Variants in TET3 observed in about 807,000 individuals in gnomAD.
TET3 encodes methylcytosine dioxygenase TET3.
A neutral mutation model predicts 141.4 loss-of-function variants in TET3; 19 were observed. The ratio of observed to expected loss-of-function variants is 0.13; its 90% confidence interval spans 0.09 to 0.20. The LOEUF is 0.20. TET3 is among the 10% of genes least tolerant of loss of function. TET3 has a pLI of 1.00. For synonymous variants in TET3, 1,043 were observed against 980.9 expected (o/e 1.06, Z -1.18); for missense variants, 1,874 against 2,356.9 (o/e 0.80, Z 4.24).
upstream of TET3, among the ~76,000 whole-genome samples, chr2:73,984,795 C>G (rs1294752701): frequency 6.7e-6 from 1 of 148,880 alleles, no homozygotes; most frequent in Non-Finnish European, 1.5e-5. The surrounding 1 kb of genome is among the most constrained non-coding windows in gnomAD (Gnocchi z 5.6). Context: ...CCACCCCCCT[C>G]TCGCCCGGCC....
At chr2:74,077,646 G>C (rs370547433) in intron 5 of TET3, among the ~76,000 whole-genome samples, 1 of 152,114 alleles carries the variant, frequency 6.6e-6, no homozygotes, top group South Asian at 2.1e-4. Context: ...GTTTTTTTAA[G>C]TCTAGCTGAT....
the TET3 span, among the ~76,000 whole-genome samples, chr2:74,114,158 C>T: frequency 2.0e-4 from 30 of 152,262 alleles, no homozygotes; most frequent in African/African-American, 7.0e-4. Flanking sequence ...CACATACTTA[C>T]AGACAACTGA....
chr2:74,009,412 G>A (rs1355162925), intron 3 of TET3, among the ~76,000 whole-genome samples: 3 of 152,234 alleles, frequency 2.0e-5, no homozygotes, highest in African/African-American at 4.8e-5. Flanking sequence ...CTGATGGCTT[G>A]AATAGGCTCA....
intron 8 of TET3, among the ~76,000 whole-genome samples, chr2:74,091,270 G>C (rs1046548542): frequency 6.6e-6 from 1 of 152,180 alleles, no homozygotes; most frequent in Non-Finnish European, 1.5e-5. Context: ...AGAACTACTA[G>C]GAATGGAAAG....
chr2:74,048,111 A>G lies in TET3; in HGVS notation c.2194A>G (p.Ile732Val). The change falls in exon 4 of 12, where the codon ATT (isoleucine) becomes GTT (valine). Residue 732 changes from isoleucine to valine, a missense_variant. By Grantham distance (29) the Ile-to-Val change is conservative. Transcript: ENST00000409262. Reference protein sequence around the residue: ...FGLPGPPSVPIQDPENQQTCL... With the variant: ...FGLPGPPSVPVQDPENQQTCL... ...GCTTCCCGGCCCCCCTTCTGTGCCCATTCAGGACCCCGAGAACCAGCAAAC... is the reference window on the plus strand; with the variant it reads ...GCTTCCCGGCCCCCCTTCTGTGCCCGTTCAGGACCCCGAGAACCAGCAAAC... The G allele has an allele frequency of 6.2e-7, 1 of 1,613,466 alleles. No individual in the cohort carries two copies.
chr2:74,099,259 C>T lies in TET3; in HGVS notation c.3268-17C>T. On this transcript the variant is annotated splice_polypyrimidine_tract_variant and intron_variant, in intron 10 of 11. Transcript: ENST00000409262. ...TCCCCCAACCCCATGTCCTCTCTCCCCCACTGCTTGGGGCAGGTCTGCACC... is the reference window on the plus strand; with the variant it reads ...TCCCCCAACCCCATGTCCTCTCTCCTCCACTGCTTGGGGCAGGTCTGCACC... 1 of 1,559,626 alleles carries T rather than the reference C, an allele frequency of 6.4e-7. No individual in the cohort carries two copies. Among genetic ancestry groups the T allele is most frequent in the Non-Finnish European group, 8.7e-7 (1 of 1,149,474 alleles).
At chr2:74,134,101 G>A in the TET3 span, among the ~76,000 whole-genome samples, 1 of 152,158 alleles carries the variant, frequency 6.6e-6, no homozygotes, top group Non-Finnish European at 1.5e-5. Context: ...AGACAAATAG[G>A]TTCCACGCAG....
chr2:74,109,159 A>G (rs828865), downstream of TET3, among the ~76,000 whole-genome samples: 38,748 of 152,160 alleles, frequency 0.25, 5,848 homozygotes, highest in East Asian at 0.52. Flanking sequence ...CCATCTGCAG[A>G]GCCTGAAGGG....
At chr2:74,130,746 G>T in the TET3 span, 1 of 152,216 alleles carries the variant, frequency 6.6e-6, no homozygotes, top group Admixed American at 6.5e-5. Context: ...CCGCAGACTC[G>T]TCGGGCTGCT....
At chr2:74,072,388 T>G (rs1340133036) in intron 4 of TET3, among the ~76,000 whole-genome samples, 1 of 152,048 alleles carries the variant, frequency 6.6e-6, no homozygotes, top group Non-Finnish European at 1.5e-5. Context: ...GGTGCATGCC[T>G]ATAATCCCAG....
At position 74,098,380 on chromosome 2, in the gene TET3, C is replaced by G. The variant is rs1172998549; in HGVS notation, c.3268-896C>G. On this transcript the variant is annotated intron_variant, in intron 10 of 11. Coordinates refer to ENST00000409262, the MANE Select transcript of TET3 (RefSeq NM_001287491.2). Reference sequence around the variant, plus strand: ...TTTAATGCACAGGAAAATATTTATACTATGTTAAGAAAAAAATGAAGCTAT... The same window carrying G: ...TTTAATGCACAGGAAAATATTTATAGTATGTTAAGAAAAAAATGAAGCTAT... Among the ~76,000 whole-genome samples the G allele has an allele frequency of 2.6e-5, 4 of 152,014 alleles. No homozygotes were observed. In the East Asian group the frequency reaches 7.7e-4, roughly 29 times the overall value.
intron 3 of TET3, among the ~76,000 whole-genome samples, chr2:74,045,616 T>G (rs1156262759): frequency 6.6e-6 from 1 of 152,224 alleles, no homozygotes; most frequent in Admixed American, 6.5e-5. Flanking sequence ...TGACCTGGCA[T>G]GGGGCTAAAC....
chr2:74,069,705 G>A (rs1689101811), intron 4 of TET3, among the ~76,000 whole-genome samples: 1 of 151,850 alleles, frequency 6.6e-6, no homozygotes. Flanking sequence ...TCCTGCCTCA[G>A]CTTTCCAAGT....
In TET3 at chr2:74,087,992, C is replaced by G; in HGVS notation, c.2842C>G (p.Arg948Gly). The G allele has an allele frequency of 6.4e-7, 1 of 1,562,368 alleles. No individual in the cohort carries two copies. Among genetic ancestry groups the G allele is most frequent in the Non-Finnish European group, 8.7e-7 (1 of 1,153,408 alleles). ...CTACCAGGAGCTCACCGACACCCTC[C>G]GGAAGTATGGGAACCCCACCAGCCG... ...TLYQELTDTL[R>G]KYGNPTSRRC... Residue 948 changes from arginine to glycine, a missense_variant, in exon 7 of 12, where the codon CGG (arginine) becomes GGG (glycine). Transcript: ENST00000409262. This position sits in a 1 kb window ranked among gnomAD's most constrained non-coding sequence, Gnocchi z 4.3.
intron 4 of TET3, among the ~76,000 whole-genome samples, chr2:74,053,200 A>T (rs2103750015): frequency 6.6e-6 from 1 of 152,340 alleles, no homozygotes; most frequent in East Asian, 1.9e-4. Context: ...AATTATTGCA[A>T]GTGACTTGTG....
chr2:73,991,570 A>G (rs1684324948), intron 2 of TET3, among the ~76,000 whole-genome samples: 1 of 152,120 alleles, frequency 6.6e-6, no homozygotes, highest in Non-Finnish European at 1.5e-5. Context: ...TCAACCATGT[A>G]GATCAGGGGT....
intron 2 of TET3, among the ~76,000 whole-genome samples, chr2:73,997,328 T>G (rs1000157381): frequency 6.6e-5 from 10 of 152,214 alleles, no homozygotes; most frequent in Non-Finnish European, 5.9e-5. Flanking sequence ...CTTTCCTGTC[T>G]TATTTTTTAT....
intron 4 of TET3, among the ~76,000 whole-genome samples, chr2:74,053,497 G>T (rs1379607875): frequency 6.6e-6 from 1 of 152,190 alleles, no homozygotes; most frequent in Non-Finnish European, 1.5e-5. Flanking sequence ...GATGTCTCTG[G>T]GGAGCAGCCA....
Position 74,047,494 on chromosome 2 carries a change from C to G in TET3, c.1577C>G (p.Thr526Ser), listed in dbSNP as rs1687699341. The change falls in exon 4 of 12, where the codon ACC becomes AGC. Residue 526 changes from threonine (T) to serine (S), a missense_variant. By Grantham distance (58) the Thr-to-Ser change is moderately conservative (BLOSUM62 1). Coordinates refer to ENST00000409262, the MANE Select transcript of TET3 (RefSeq NM_001287491.2). The stretch of plus-strand genomic sequence containing the variant: ...CCCGACACCCACCAGAAGGCCCAGA[C>G]CGCCCTGCAGCAGCACCTCCACCAC... Reference protein sequence around the residue: ...SEPDTHQKAQTALQQHLHHKR... With the variant: ...SEPDTHQKAQSALQQHLHHKR... 1 of 1,612,898 alleles carries G rather than the reference C, an allele frequency of 6.2e-7. No individual in the cohort carries two copies. Among genetic ancestry groups the G allele is most frequent in the South Asian group, 1.1e-5 (1 of 91,074 alleles).
Sources: allele counts gnomAD v4.1 joint callset (sites outside exome capture counted in the v4.1 genomes callset), GRCh38; gene constraint gnomAD v4.1.1; non-coding constraint Gnocchi (gnomAD v3.1); transcripts MANE v1.5; gene names NCBI Gene and HGNC (gene_info 2026-07-23, HGNC 2026-07-21).